KLRD1: variants seen among roughly 807,000 people sequenced by gnomAD.
KLRD1 encodes killer cell lectin like receptor D1, also known as natural killer cells antigen CD94.
KLRD1 carries 21 observed loss-of-function variants against 22.6 expected under a neutral mutation model. The ratio of observed to expected loss-of-function variants is 0.93; its 90% CI spans 0.66 to 1.34. The LOEUF (loss-of-function observed/expected upper bound fraction) is 1.34, where lower values mean the gene tolerates loss of function less well. Ranked by LOEUF, KLRD1 falls within the 40% of genes most tolerant of loss-of-function variation. The probability of loss-of-function intolerance (pLI) is 0.00; values close to 1 mark genes in which losing one functional copy is unlikely to be tolerated. For synonymous variants in KLRD1, 59 were observed against 71.1 expected (o/e 0.83, Z 0.85); for missense variants, 183 against 208.6 (o/e 0.88, Z 0.76).
intron 1 of KLRD1, among the ~76,000 whole-genome samples, chr12:10,246,867 T>C (rs1249667511): frequency 6.6e-6 from 1 of 151,806 alleles, no homozygotes; most frequent in Non-Finnish European, 1.5e-5. Flanking sequence ...AAATGGAGAG[T>C]CAGCAGATGT....
chr12:10,243,149 A>G (rs908732456), intron 1 of KLRD1, among the ~76,000 whole-genome samples: 1 of 152,148 alleles, frequency 6.6e-6, no homozygotes, highest in Non-Finnish European at 1.5e-5. Context: ...GTCATATGGT[A>G]CAAAATTCCA....
At chr12:10,278,110 G>A (rs1949608156) in intron 1 of KLRD1, among the ~76,000 whole-genome samples, 1 of 152,142 alleles carries the variant, frequency 6.6e-6, no homozygotes, top group South Asian at 2.1e-4. Flanking sequence ...TGATCCTATT[G>A]TTTTCTGGAG....
intron 1 of KLRD1, among the ~76,000 whole-genome samples, chr12:10,267,892 C>G (rs1949514290): frequency 6.6e-6 from 1 of 152,162 alleles, no homozygotes; most frequent in African/African-American, 2.4e-5. Context: ...AACTAAAAGA[C>G]AACAACTGTG....
At chr12:10,279,738 A>G (rs537055042) in intron 1 of KLRD1, among the ~76,000 whole-genome samples, 2 of 152,296 alleles carry the variant, frequency 1.3e-5, no homozygotes, top group Admixed American at 6.5e-5. Context: ...TTCTCATTAC[A>G]TCAAAATTTT....
At chr12:10,297,898 T>C (rs1949835911) in intron 1 of KLRD1, among the ~76,000 whole-genome samples, 1 of 152,028 alleles carries the variant, frequency 6.6e-6, no homozygotes, top group African/African-American at 2.4e-5. Context: ...CTTAGCACTT[T>C]TTACTTTTTC....
intron 1 of KLRD1, among the ~76,000 whole-genome samples, chr12:10,265,485 G>A (rs1270190608): frequency 2.0e-5 from 3 of 152,182 alleles, no homozygotes; most frequent in Non-Finnish European, 4.4e-5. Flanking sequence ...GGTGGGGCGC[G>A]ATGGCTCACG....
chr12:10,273,017 G>A (rs1274375828), intron 1 of KLRD1, among the ~76,000 whole-genome samples: 1 of 152,112 alleles, frequency 6.6e-6, no homozygotes, highest in African/African-American at 2.4e-5. Flanking sequence ...TATGCTCATT[G>A]TAGATGATTC....
chr12:10,280,060 A>G lies in KLRD1; in HGVS notation c.-100-27918A>G, dbSNP rs1949625975. Among the ~76,000 whole-genome samples, 4 of 152,210 alleles carry G rather than the reference A, an allele frequency of 2.6e-5. No individual in the cohort carries two copies. In the South Asian group the frequency reaches 8.3e-4, roughly 32 times the overall value. On this transcript the variant is annotated intron_variant, in intron 1 of 5. Transcript: ENST00000544747. ...ATCAGAAATGTCTTTCTCCTTTCCC[A>G]TGACACAAGTTAGAATTACCAACAA... is the stretch of plus-strand genomic sequence containing the variant.
chr12:10,244,772 A>G (rs1949275114), intron 1 of KLRD1, among the ~76,000 whole-genome samples: 1 of 150,120 alleles, frequency 6.7e-6, no homozygotes, highest in African/African-American at 2.5e-5. Context: ...AACATGAGCG[A>G]AACTCCGTCT....
At position 10,325,616 on chromosome 12, in the gene KLRD1, A is replaced by T. The variant is rs574175332; in HGVS notation, c.*10823A>T. On this transcript the variant is annotated 3_prime_UTR_variant, in exon 6 of 6. Transcript: ENST00000336164. ...ATATTTCACGTAAGTGGAATCATATAGTATTTATCCTGTGACTTGTTTATT... is the reference window on the plus strand; with the variant it reads ...ATATTTCACGTAAGTGGAATCATATTGTATTTATCCTGTGACTTGTTTATT... 22 of 152,358 alleles carry T rather than the reference A, an allele frequency of 1.4e-4. No individual in the cohort carries two copies. The highest frequency in any genetic ancestry group is 6.5e-4 in the Admixed American group (10 of 15,306). 9.4% of individuals were successfully genotyped at this position (152,358 alleles called of 1,614,324 possible). A position where few individuals can be genotyped will look rare whatever the true frequency, so the allele number is the denominator to read the frequency against.
In KLRD1 at chr12:10,265,213, C is replaced by G. The variant is rs535495255; in HGVS notation, c.-101+38980C>G. 4.0e-5 allele frequency among the ~76,000 whole-genome samples: 6 copies of G among 151,844 alleles called. No homozygotes were observed. In the South Asian group the frequency reaches 1.2e-3, roughly 32 times the overall value. On this transcript the variant is annotated intron_variant, in intron 1 of 5. Transcript: ENST00000544747. The stretch of plus-strand genomic sequence containing the variant: ...GTTAAATATCTGTCATTTTGAGGAA[C>G]TTATTTTATCATATTATATATAGAC...
Position 10,276,932 on chromosome 12 carries a change from G to A in KLRD1, c.-100-31046G>A, listed in dbSNP as rs147820107. Reference sequence around the variant, plus strand: ...AGCTGCATGCCACAGTTAATTAGGCGTATGTAATGGAAAATAAGAAATAAG... The same window carrying A: ...AGCTGCATGCCACAGTTAATTAGGCATATGTAATGGAAAATAAGAAATAAG... On this transcript the variant is annotated intron_variant, in intron 1 of 5. Transcript: ENST00000544747. Among the ~76,000 whole-genome samples the A allele has an allele frequency of 2.6e-3, 399 of 152,168 alleles. 1 individual carries two copies. Among genetic ancestry groups the A allele is most frequent in the African/African-American group, 9.0e-3 (373 of 41,518 alleles).
At chr12:10,308,168 A>G in intron 1 of KLRD1, 84 bp downstream of exon 1, 2 of 1,155,558 alleles carry the variant, frequency 1.7e-6, no homozygotes. Context: ...ATGCTTTAAG[A>G]GAAAAGGACA....
At chr12:10,280,531 G>A (rs190067416) in intron 1 of KLRD1, among the ~76,000 whole-genome samples, 21 of 152,124 alleles carry the variant, frequency 1.4e-4, no homozygotes, top group Non-Finnish European at 1.9e-4. Context: ...TGTTCACGCC[G>A]TGCTCCATCG....
Position 10,329,360 on chromosome 12 carries a change from A to G in KLRD1, c.*14567A>G, listed in dbSNP as rs553469204. 3.3e-5 allele frequency: 5 copies of G among 152,294 alleles called. No individual in the cohort carries two copies. Among genetic ancestry groups the G allele is most frequent in the Admixed American group, 3.3e-4 (5 of 15,294 alleles). 9.4% of individuals were successfully genotyped at this position (152,294 alleles called of 1,614,324 possible). A position where few individuals can be genotyped will look rare whatever the true frequency, so the allele number is the denominator to read the frequency against. On this transcript the variant is annotated 3_prime_UTR_variant, in exon 6 of 6. Coordinates refer to ENST00000336164, the MANE Select transcript of KLRD1 (RefSeq NM_002262.5). ...CTAGTTTCATTCCCTTGATGCTGTAAAAGATACTTGATATGACTTCAATTT... is the reference window on the plus strand; with the variant it reads ...CTAGTTTCATTCCCTTGATGCTGTAGAAGATACTTGATATGACTTCAATTT...
At chr12:10,313,992 A>G (rs1320818053) in intron 5 of KLRD1, among the ~76,000 whole-genome samples, 4 of 152,190 alleles carry the variant, frequency 2.6e-5, no homozygotes, top group Non-Finnish European at 5.9e-5. Context: ...CAATCTTCAT[A>G]CAAGAATGTG....
upstream of KLRD1, among the ~76,000 whole-genome samples, chr12:10,301,505 C>CTTCACA (rs1362241170): frequency 2.6e-5 from 4 of 152,168 alleles, no homozygotes; most frequent in African/African-American, 7.2e-5. Context: ...CCCAGAACAG[C>CTTCACA]TTCACAAAAA....
At chr12:10,250,010 T>A (rs1299183405) in intron 1 of KLRD1, among the ~76,000 whole-genome samples, 1 of 152,134 alleles carries the variant, frequency 6.6e-6, no homozygotes, top group African/African-American at 2.4e-5. Flanking sequence ...CGAAGACCAT[T>A]AGGATCACTT....
chr12:10,265,686 G>A (rs1592039878), intron 1 of KLRD1, among the ~76,000 whole-genome samples: 1 of 152,168 alleles, frequency 6.6e-6, no homozygotes, highest in African/African-American at 2.4e-5. Context: ...GAACTCAGAA[G>A]GCAGAGGTTG....
Sources: gnomAD v4.1 joint callset for allele counts (sites outside exome capture counted in the v4.1 genomes callset) on GRCh38, gnomAD v4.1.1 for gene constraint, MANE v1.5 for transcripts, NCBI Gene and HGNC (gene_info 2026-07-23, HGNC 2026-07-21) for gene names.